ERC1: variants seen among roughly 807,000 people sequenced by gnomAD.
The protein encoded by ERC1 is ELKS/RAB6-interacting/CAST family member 1, also known as RAB6 interacting protein 2.
In ERC1, 56 loss-of-function variants were observed where a neutral mutation model predicts 132.0. The observed-to-expected ratio is 0.42, with a 90% CI of 0.34 to 0.53. The LOEUF (loss-of-function observed/expected upper bound fraction) is 0.53, where lower values mean the gene tolerates loss of function less well. Among genes scored for constraint, ERC1 ranks in the 20% least tolerant of loss-of-function variants. The pLI is 0.03. For missense variants in ERC1, 1,202 were observed against 1,349.9 expected (o/e 0.89, Z 1.72); for synonymous variants, 478 against 476.1 (o/e 1.00, Z -0.05).
At chr12:1,220,071 G>A (rs1958833115) in intron 12 of ERC1, among the ~76,000 whole-genome samples, 1 of 152,028 alleles carries the variant, frequency 6.6e-6, no homozygotes, top group Non-Finnish European at 1.5e-5. Flanking sequence ...GTTAAAACAA[G>A]CTAAGCATTT....
At position 1,319,921 on chromosome 12, in the gene ERC1, G is replaced by A. The variant is rs76706342; in HGVS notation, c.2780+29909G>A. 5.9e-5 allele frequency among the ~76,000 whole-genome samples: 9 copies of A among 152,048 alleles called. No individual in the cohort carries two copies. The Middle Eastern group carries it at 0.014, about 230-fold the overall frequency. Reference sequence around the variant, plus strand: ...TGTGTGTGTTTGTATGCAGGGGGGCGGCTTCTTATTTTTACCTTTTTTCTG... The same window carrying A: ...TGTGTGTGTTTGTATGCAGGGGGGCAGCTTCTTATTTTTACCTTTTTTCTG... On this transcript the variant is annotated intron_variant, in intron 15 of 18. Transcript: ENST00000360905.
chr12:1,353,119 C>T (rs1273161458), intron 15 of ERC1, among the ~76,000 whole-genome samples: 7 of 151,370 alleles, frequency 4.6e-5, no homozygotes, highest in Non-Finnish European at 7.4e-5. Context: ...CAAGCTCCGC[C>T]TCCCGGGTTC....
chr12:1,237,635 A>G (rs2075509353), intron 13 of ERC1, among the ~76,000 whole-genome samples: 2 of 152,218 alleles, frequency 1.3e-5, no homozygotes, highest in African/African-American at 4.8e-5. Context: ...ATAGATTCAG[A>G]GACATTGTGT....
intron 14 of ERC1, among the ~76,000 whole-genome samples, chr12:1,265,183 T>G (rs973509593): frequency 5.9e-5 from 9 of 152,210 alleles, no homozygotes; most frequent in Non-Finnish European, 1.3e-4. Context: ...GTAATTTCCT[T>G]TAATCTTGAT....
chr12:1,431,446 C>G (rs892168277), intron 17 of ERC1, among the ~76,000 whole-genome samples: 17 of 152,140 alleles, frequency 1.1e-4, no homozygotes, highest in African/African-American at 4.1e-4. Flanking sequence ...TTTTCTGGAG[C>G]TGAAACTAAG....
intron 8 of ERC1, among the ~76,000 whole-genome samples, chr12:1,165,068 G>T (rs532750898): frequency 6.6e-6 from 1 of 152,202 alleles, no homozygotes; most frequent in Non-Finnish European, 1.5e-5. Flanking sequence ...TTACCACAGA[G>T]TATAAATGTA....
At chr12:1,057,167 C>T (rs1732149072) in intron 2 of ERC1, among the ~76,000 whole-genome samples, 1 of 152,044 alleles carries the variant, frequency 6.6e-6, no homozygotes, top group Non-Finnish European at 1.5e-5. Context: ...TTGAGACAGT[C>T]TCTCACTTTG....
At chr12:1,228,981 A>G (rs946068843) in intron 12 of ERC1, among the ~76,000 whole-genome samples, 3 of 152,138 alleles carry the variant, frequency 2.0e-5, no homozygotes, top group African/African-American at 7.2e-5. Flanking sequence ...CTTTTCTTAT[A>G]GTATCCTTAT....
intron 16 of ERC1, among the ~76,000 whole-genome samples, chr12:1,382,448 A>G (rs115074517): frequency 1.3e-5 from 2 of 152,370 alleles, no homozygotes; most frequent in African/African-American, 4.8e-5. Context: ...TGGAGAATTC[A>G]GATTTTTATA....
intron 16 of ERC1, among the ~76,000 whole-genome samples, chr12:1,381,752 A>G (rs553409066): frequency 3.3e-5 from 5 of 152,252 alleles, no homozygotes; most frequent in African/African-American, 9.6e-5. Context: ...CCTCAGCTCA[A>G]TCTCCACTTT....
At chr12:1,185,051 T>C (rs935417787) in intron 11 of ERC1, among the ~76,000 whole-genome samples, 1 of 152,120 alleles carries the variant, frequency 6.6e-6, no homozygotes, top group Non-Finnish European at 1.5e-5. Context: ...GCTGGGTTTA[T>C]AGGCGCATGC....
intron 17 of ERC1, among the ~76,000 whole-genome samples, chr12:1,429,575 C>T (rs2154403167): frequency 6.6e-6 from 1 of 152,272 alleles, no homozygotes; most frequent in Admixed American, 6.5e-5. Context: ...TGCCATGTGC[C>T]TAACACTGCA....
chr12:996,608 C>T (rs969404228), intron 1 of ERC1, among the ~76,000 whole-genome samples: 2 of 152,030 alleles, frequency 1.3e-5, no homozygotes, highest in Non-Finnish European at 1.5e-5. Flanking sequence ...TAAAAAAAAT[C>T]ATTCTTTTCA....
chr12:1,264,429 G>A (rs538520971), intron 14 of ERC1, among the ~76,000 whole-genome samples: 110 of 152,154 alleles, frequency 7.2e-4, no homozygotes, highest in African/African-American at 2.5e-3. Flanking sequence ...TTGGGAGGCC[G>A]AGGCGGGCGG....
At chr12:1,290,143 C>T (rs1233197972) in intron 15 of ERC1, 131 bp downstream of exon 15, 1 of 738,346 alleles carries the variant, frequency 1.4e-6, no homozygotes, top group Non-Finnish European at 2.2e-6. Flanking sequence ...GTATTTCTCA[C>T]TCTCTAGAAT....
intron 17 of ERC1, among the ~76,000 whole-genome samples, chr12:1,431,013 T>C (rs944782055): frequency 3.9e-5 from 6 of 152,090 alleles, no homozygotes; most frequent in Admixed American, 6.6e-5. Context: ...GTTGAGAAAA[T>C]AGAGAACACC....
At chr12:1,481,766 G>C (rs2094097051) in intron 18 of ERC1, among the ~76,000 whole-genome samples, 1 of 152,110 alleles carries the variant, frequency 6.6e-6, no homozygotes, top group African/African-American at 2.4e-5. Flanking sequence ...CTTGTAGTCT[G>C]CCTCTGGTTT....
rs199764310 is a variant in ERC1 at position 1,189,907 on chromosome 12, C to T, written c.2206C>T (p.Arg736Ter). 6 of 1,613,686 alleles carry T rather than the reference C, an allele frequency of 3.7e-6. No individual in the cohort carries two copies. Among genetic ancestry groups the T allele is most frequent in the Non-Finnish European group, 5.1e-6 (6 of 1,179,872 alleles). The change falls in exon 12 of 19, where the codon CGA becomes TGA. Residue 736 changes from arginine (R) to a stop codon, truncating the protein, a stop_gained. Transcript: ENST00000360905. LOFTEE classifies it high-confidence loss of function. Reference sequence around the variant, plus strand: ...CAGAGCCAGTCCAGAGATGAGTGACCGAATACAGCACTTGGAGAGAGAGAT... The same window carrying T: ...CAGAGCCAGTCCAGAGATGAGTGACTGAATACAGCACTTGGAGAGAGAGAT... Reference protein sequence around the residue: ...EARASPEMSDRIQHLEREITR... With the variant: ...EARASPEMSD
intron 17 of ERC1, among the ~76,000 whole-genome samples, chr12:1,413,788 G>A (rs1278289906): frequency 1.3e-5 from 2 of 152,122 alleles, no homozygotes; most frequent in African/African-American, 4.8e-5. Context: ...ATTGCACTGG[G>A]TCCAATAGCC....
Sources: gnomAD v4.1 joint callset for allele counts (sites outside exome capture counted in the v4.1 genomes callset) on GRCh38, gnomAD v4.1.1 for gene constraint, MANE v1.5 for transcripts, NCBI Gene and HGNC (gene_info 2026-07-23, HGNC 2026-07-21) for gene names.